RAI14: variants seen among roughly 807,000 people sequenced by gnomAD.
RAI14 encodes retinoic acid induced 14.
RAI14 carries 45 observed loss-of-function variants against 115.4 expected under a neutral mutation model. That is an observed-to-expected ratio of 0.39 (90% CI 0.31 to 0.50). The LOEUF is 0.50. RAI14 is among the 20% of genes least tolerant of loss of function. RAI14 has a pLI of 0.85. For missense variants in RAI14, 939 were observed against 1,131.2 expected (o/e 0.83, Z 2.44); for synonymous variants, 371 against 415.4 (o/e 0.89, Z 1.30).
chr5:34,773,408 A>G (rs755078215), intron 3 of RAI14, among the ~76,000 whole-genome samples: 1 of 152,188 alleles, frequency 6.6e-6, no homozygotes, highest in Non-Finnish European at 1.5e-5. Context: ...AAATAGACAA[A>G]TCGGATTATA....
chr5:34,720,688 G>A (rs1029688228), intron 2 of RAI14, among the ~76,000 whole-genome samples: 2 of 151,938 alleles, frequency 1.3e-5, no homozygotes, highest in African/African-American at 4.8e-5. Context: ...GGGATTACAG[G>A]CGTGAGCCAC....
chr5:34,778,787 A>G (rs993969643), intron 3 of RAI14, among the ~76,000 whole-genome samples: 1 of 151,596 alleles, frequency 6.6e-6, no homozygotes, highest in Admixed American at 6.6e-5. Context: ...TCTTAATGGT[A>G]TAAATATATT....
chr5:34,797,891 C>T (rs986812817), intron 4 of RAI14, among the ~76,000 whole-genome samples: 14 of 152,210 alleles, frequency 9.2e-5, no homozygotes, highest in African/African-American at 3.4e-4. Flanking sequence ...AGTGAATAAA[C>T]TGGTGCCGTC....
chr5:34,797,796 T>TAAAATACC (rs1005038539), intron 4 of RAI14, among the ~76,000 whole-genome samples: 1 of 152,228 alleles, frequency 6.6e-6, no homozygotes, highest in Non-Finnish European at 1.5e-5. Context: ...TATGATTTGC[T>TAAAATACC]AAAATACCCC....
rs115783592 is a variant in RAI14 at position 34,737,039 on chromosome 5, T to A, written c.37-20429T>A. On this transcript the variant is annotated intron_variant, in intron 2 of 17. Coordinates refer to ENST00000265109, the MANE Select transcript of RAI14 (RefSeq NM_015577.3). ...TAGAAGAGCAAGTCCTACTGTGAAC[T>A]GATCATGTGAGGGATCTAGGTTGAG... Among the ~76,000 whole-genome samples the A allele has an allele frequency of 9.1e-3, 1,382 of 152,292 alleles. 20 individuals carry two copies. Among genetic ancestry groups the A allele is most frequent in the African/African-American group, 0.032 (1,322 of 41,556 alleles).
chr5:34,808,621 C>T lies in RAI14; in HGVS notation c.417C>T (p.Cys139=), dbSNP rs757407521. 38 of 1,614,158 alleles carry T rather than the reference C, an allele frequency of 2.4e-5. No individual in the cohort carries two copies. The highest frequency in any genetic ancestry group is 4.5e-5 in the East Asian group (2 of 44,882). The stretch of plus-strand genomic sequence containing the variant: ...GCCTTCAAGCTGTGCAGATTCTCTG[C>T]GAACACAAGAGCCCCATAAACCTCA... ...QGCLQAVQIL[C]EHKSPINLKD... Residue 139 remains cysteine (C), a synonymous_variant, in exon 7 of 18, where the codon TGC becomes TGT. Coordinates refer to ENST00000265109, the MANE Select transcript of RAI14 (RefSeq NM_015577.3).
chr5:34,690,145 A>T (rs1738387888), intron 2 of RAI14, among the ~76,000 whole-genome samples: 1 of 152,208 alleles, frequency 6.6e-6, no homozygotes, highest in Non-Finnish European at 1.5e-5. Flanking sequence ...GTACATGTGT[A>T]TCATGCATAT....
chr5:34,779,741 C>T (rs1451517109), intron 3 of RAI14, among the ~76,000 whole-genome samples: 2 of 152,106 alleles, frequency 1.3e-5, no homozygotes, highest in East Asian at 1.9e-4. Flanking sequence ...AATGGAAGAA[C>T]GTTCCATGCT....
At chr5:34,685,994 G>A (rs1193587861) in intron 1 of RAI14, among the ~76,000 whole-genome samples, 2 of 152,158 alleles carry the variant, frequency 1.3e-5, no homozygotes, top group Non-Finnish European at 2.9e-5. Context: ...GATGAGGGAG[G>A]TTTTGTTGTT....
chr5:34,718,473 A>G (rs755770953), intron 2 of RAI14, among the ~76,000 whole-genome samples: 16 of 152,226 alleles, frequency 1.1e-4, no homozygotes, highest in Non-Finnish European at 1.6e-4. Context: ...TTTGAATTAC[A>G]ATTATCATGG....
chr5:34,823,027 C>T lies in RAI14; in HGVS notation c.1185C>T (p.Gly395=). The T allele has an allele frequency of 6.2e-7, 1 of 1,614,030 alleles. No homozygotes were observed. Among genetic ancestry groups the T allele is most frequent in the Non-Finnish European group, 8.5e-7 (1 of 1,179,948 alleles). ...ACCATTCCACCCAAACTGACTTGGG[C>T]CCATCCCTGGGAAAACCTGGTGAAA... ...DSYHSTQTDL[G]PSLGKPGETS... Residue 395 remains glycine (G), a synonymous_variant, in exon 15 of 18, where the codon GGC becomes GGT. Transcript: ENST00000265109. This position sits in a 1 kb window ranked among gnomAD's most constrained non-coding sequence, Gnocchi z 4.5.
At chr5:34,746,474 G>A (rs1222780440) in intron 2 of RAI14, among the ~76,000 whole-genome samples, 10 of 149,106 alleles carry the variant, frequency 6.7e-5, no homozygotes, top group African/African-American at 2.0e-4. Context: ...GTGTGATCTC[G>A]GCTCACTGCA....
chr5:34,802,053 A>G (rs1235240001), intron 4 of RAI14, among the ~76,000 whole-genome samples: 1 of 152,184 alleles, frequency 6.6e-6, no homozygotes, highest in Non-Finnish European at 1.5e-5. Flanking sequence ...TCAGAAAAAA[A>G]AAAGAAAAGA....
chr5:34,808,452 C>A (rs913327901), intron 6 of RAI14, 132 bp from the exon 7 acceptor site: 30 of 797,628 alleles, frequency 3.8e-5, no homozygotes, highest in Middle Eastern at 4.6e-4. Flanking sequence ...AATACCATTT[C>A]TCTTCAATGC....
rs1290644684 is a variant in RAI14, at chr5:34,796,018, G to T, written c.247G>T (p.Asp83Tyr). 6.2e-7 allele frequency: 1 copy of T among 1,609,826 alleles called. No homozygotes were observed. Among genetic ancestry groups the T allele is most frequent in the Non-Finnish European group, 8.5e-7 (1 of 1,176,358 alleles). The stretch of plus-strand genomic sequence containing the variant: ...ACATGGTGTGGATGTGACAGCCCAA[G>T]ATACTACCGGTATGTGGTTTTTAGT... ...ITHGVDVTAQDTTGHSALHLA... is the reference protein window; with the variant it reads ...ITHGVDVTAQYTTGHSALHLA... The change falls in exon 4 of 18, where the codon GAT becomes TAT. Residue 83 changes from aspartate to tyrosine, a missense_variant. By Grantham distance (160) the Asp-to-Tyr change is radical. Transcript: ENST00000265109.
At chr5:34,812,590 A>C in intron 10 of RAI14, among the ~76,000 whole-genome samples, 1 of 152,064 alleles carries the variant, frequency 6.6e-6, no homozygotes, top group Non-Finnish European at 1.5e-5. Flanking sequence ...ACTTGAACCC[A>C]GGAGGCAGAG....
At position 34,831,423 on chromosome 5, in the gene RAI14, CTTTT is replaced by C. The variant is rs1441520351; in HGVS notation, c.*662_*665del. On this transcript the variant is annotated 3_prime_UTR_variant, in exon 18 of 18. Coordinates refer to ENST00000265109, the MANE Select transcript of RAI14 (RefSeq NM_015577.3). The stretch of plus-strand genomic sequence containing the variant: ...CAAAAGCAAGTTGTCCTTAAAAGTT[CTTTT>C]TTTAAGTAAATTGTTGACATACTGC... The C allele has an allele frequency of 6.6e-6, 1 of 152,502 alleles. No homozygotes were observed. Among genetic ancestry groups the C allele is most frequent in the Non-Finnish European group, 1.5e-5 (1 of 68,014 alleles). 9.4% of individuals were successfully genotyped at this position (152,502 alleles called of 1,614,324 possible).
chr5:34,750,848 ATTTTTTTTT>A, intron 2 of RAI14, among the ~76,000 whole-genome samples: 1 of 83,618 alleles, frequency 1.2e-5, no homozygotes, highest in African/African-American at 5.4e-5. Flanking sequence ...TTGCTTTATC[ATTTTTTTTT>A]TTTTTTTTTT....
rs905308977 is a variant in RAI14 at position 34,827,161 on chromosome 5, C to T, written c.2799+682C>T. Among the ~76,000 whole-genome samples the T allele has an allele frequency of 2.0e-5, 3 of 152,032 alleles. No individual in the cohort carries two copies. Among genetic ancestry groups the T allele is most frequent in the East Asian group, 1.9e-4 (1 of 5,172 alleles). ...GGCTCATGGCCCCTTACTCCATCTT[C>T]GAGGCACATCACTCCAGCATCTGCT... On this transcript the variant is annotated intron_variant, in intron 16 of 17. Transcript: ENST00000265109. The surrounding 1 kb of genome is among the most constrained non-coding windows in gnomAD (Gnocchi z 4.2).
Sources: gnomAD v4.1 joint callset for allele counts (sites outside exome capture counted in the v4.1 genomes callset) on GRCh38, gnomAD v4.1.1 for gene constraint, Gnocchi (gnomAD v3.1) non-coding constraint, MANE v1.5 for transcripts, NCBI Gene and HGNC (gene_info 2026-07-23, HGNC 2026-07-21) for gene names.